Variants in GPC5 observed in about 807,000 individuals in gnomAD.
The protein encoded by GPC5 is glypican-5.
In GPC5, 47 loss-of-function variants were observed where a neutral mutation model predicts 53.9. The ratio of observed to expected loss-of-function variants is 0.87; its 90% CI spans 0.69 to 1.11. The LOEUF (loss-of-function observed/expected upper bound fraction) is 1.11. GPC5 is among the 50% of genes most tolerant of loss of function. The pLI is 0.00. For missense variants in GPC5, 748 were observed against 713.1 expected, an observed-to-expected ratio of 1.05 and a Z score of -0.56; for synonymous variants, 286 against 263.3, an observed-to-expected ratio of 1.09 and a Z score of -0.84.
At chr13:92,472,568 A>C (rs1215292930) in intron 7 of GPC5, among the ~76,000 whole-genome samples, 1 of 152,100 alleles carries the variant, frequency 6.6e-6, no homozygotes, top group Non-Finnish European at 1.5e-5. Context: ...CTAGGAGAGT[A>C]GGGTCAGTCA....
rs575524472 is a variant in GPC5, at chr13:92,339,283, G to A, written c.1561+194294G>A. Among the ~76,000 whole-genome samples the A allele has an allele frequency of 2.6e-5, 4 of 151,760 alleles. No homozygotes were observed. In the East Asian group the frequency reaches 7.7e-4, roughly 29 times the overall value. On this transcript the variant is annotated intron_variant, in intron 7 of 7. Transcript: ENST00000377067. ...TTGCTGGTAATAAAGACAGTCCTCA[G>A]GGCAAAATGTTTTATTATGTCGTGA... is the stretch of plus-strand genomic sequence containing the variant.
chr13:92,602,199 T>TTAC (rs1884082040), intron 7 of GPC5, among the ~76,000 whole-genome samples: 1 of 136,716 alleles, frequency 7.3e-6, no homozygotes, highest in African/African-American at 2.7e-5. Flanking sequence ...TATATATAAA[T>TTAC]ATATATATTA....
At chr13:92,246,850 G>A (rs1215666967) in intron 7 of GPC5, among the ~76,000 whole-genome samples, 1 of 152,046 alleles carries the variant, frequency 6.6e-6, no homozygotes, top group African/African-American at 2.4e-5. Context: ...TTTTAAATTA[G>A]TTAATTATAA....
At chr13:92,682,284 C>T (rs1271986553) in intron 7 of GPC5, among the ~76,000 whole-genome samples, 1 of 152,186 alleles carries the variant, frequency 6.6e-6, no homozygotes, top group East Asian at 1.9e-4. Flanking sequence ...CTGGGAGCAA[C>T]ATTGTGCTCT....
chr13:92,025,504 T>A (rs929182957), intron 6 of GPC5, among the ~76,000 whole-genome samples: 1 of 152,026 alleles, frequency 6.6e-6, no homozygotes, highest in Admixed American at 6.6e-5. Context: ...GACAAAGTAG[T>A]GAGAATTCCA....
intron 7 of GPC5, among the ~76,000 whole-genome samples, chr13:92,230,045 G>A (rs191107174): frequency 1.4e-4 from 21 of 152,114 alleles, no homozygotes; most frequent in East Asian, 1.9e-4. Flanking sequence ...ACTAAACTGC[G>A]TTTTGAACTG....
intron 7 of GPC5, among the ~76,000 whole-genome samples, chr13:92,774,114 C>T (rs577221282): frequency 4.1e-4 from 63 of 152,272 alleles, no homozygotes; most frequent in African/African-American, 1.3e-3. Context: ...GATTTGGGTG[C>T]GGACAAAGAG....
chr13:92,618,113 T>G (rs974624482), intron 7 of GPC5, among the ~76,000 whole-genome samples: 1 of 152,178 alleles, frequency 6.6e-6, no homozygotes, highest in Non-Finnish European at 1.5e-5. Context: ...TAGCTAGACT[T>G]TGCATCCTTT....
intron 2 of GPC5, among the ~76,000 whole-genome samples, chr13:91,468,874 CT>C (rs5805695): frequency 0.086 from 11,575 of 134,904 alleles, 498 homozygotes; most frequent in Middle Eastern, 0.1. Flanking sequence ...AGATAATGGT[CT>C]TTTTTTTTTT....
intron 6 of GPC5, among the ~76,000 whole-genome samples, chr13:91,912,525 T>TAC (rs1304679129): frequency 3.3e-5 from 5 of 152,188 alleles, no homozygotes. Context: ...TACATATAAA[T>TAC]ACATCAGCAC....
At chr13:92,253,140 G>C (rs573495983) in intron 7 of GPC5, among the ~76,000 whole-genome samples, 2 of 152,170 alleles carry the variant, frequency 1.3e-5, no homozygotes, top group Admixed American at 6.6e-5. Context: ...TCTCCATATA[G>C]GATAAAATAT....
chr13:92,461,924 G>A (rs889692797), intron 7 of GPC5, among the ~76,000 whole-genome samples: 2 of 152,206 alleles, frequency 1.3e-5, no homozygotes, highest in Non-Finnish European at 2.9e-5. Context: ...TTTGGGCAAA[G>A]ACCTGTGTGA....
intron 5 of GPC5, among the ~76,000 whole-genome samples, chr13:91,779,823 T>A (rs1171844722): frequency 3.9e-5 from 6 of 152,128 alleles, no homozygotes; most frequent in Non-Finnish European, 8.8e-5. Flanking sequence ...TGTCATCTCC[T>A]ATGATAACAA....
rs57340396 is a variant in GPC5, at chr13:92,155,253, AT to A, written c.1561+10272del. Among the ~76,000 whole-genome samples the A allele has an allele frequency of 7.3e-3, 1,106 of 151,422 alleles. 25 individuals carry two copies. The highest frequency in any genetic ancestry group is 0.025 in the African/African-American group (1,041 of 41,270). ...GTTAGCTCACATGTTCTTTCCTTCC[AT>A]TTTTTTTCAATAAGCTCTGCATTTT... On this transcript the variant is annotated intron_variant, in intron 7 of 7. Coordinates refer to ENST00000377067, the MANE Select transcript of GPC5 (RefSeq NM_004466.6).
chr13:91,560,712 T>G (rs543929762), intron 2 of GPC5, among the ~76,000 whole-genome samples: 12 of 152,150 alleles, frequency 7.9e-5, no homozygotes, highest in African/African-American at 2.9e-4. Flanking sequence ...ACTAGCCAGA[T>G]TTTCTCCCAG....
At chr13:92,060,095 T>C (rs2041110558) in intron 6 of GPC5, 1 of 152,074 alleles carries the variant, frequency 6.6e-6, no homozygotes. Context: ...ACATTTGATA[T>C]AGAGTGCTGA....
intron 7 of GPC5, among the ~76,000 whole-genome samples, chr13:92,546,248 A>C (rs1400635584): frequency 6.6e-6 from 1 of 152,174 alleles, no homozygotes; most frequent in East Asian, 1.9e-4. Context: ...AGATGACATG[A>C]TTGTATATCT....
chr13:91,565,864 G>C (rs2031502205), intron 2 of GPC5, among the ~76,000 whole-genome samples: 1 of 152,158 alleles, frequency 6.6e-6, no homozygotes, highest in African/African-American at 2.4e-5. Context: ...TGGAGGCTCT[G>C]AGGATGACTC....
At chr13:91,469,333 T>C (rs533942799) in intron 2 of GPC5, among the ~76,000 whole-genome samples, 15 of 152,198 alleles carry the variant, frequency 9.9e-5, no homozygotes, top group Non-Finnish European at 2.2e-4. Context: ...AGTGTCGAAC[T>C]TCTGGCCTCA....
Sources: gnomAD v4.1 joint callset for allele counts (sites outside exome capture counted in the v4.1 genomes callset) on GRCh38, gnomAD v4.1.1 for gene constraint, MANE v1.5 for transcripts, NCBI Gene and HGNC (gene_info 2026-07-23, HGNC 2026-07-21) for gene names.